SERPINA6: variants seen among roughly 807,000 people sequenced by gnomAD.
The protein encoded by SERPINA6 is corticosteroid-binding globulin.
SERPINA6 carries 19 observed loss-of-function variants against 26.4 expected under a neutral mutation model. The ratio of observed to expected loss-of-function variants is 0.72; its 90% CI spans 0.50 to 1.06. The LOEUF is 1.06. Among genes scored for constraint, SERPINA6 ranks in the 50% least tolerant of loss-of-function variants. SERPINA6 has a pLI of 0.00. For missense variants in SERPINA6, 473 were observed against 504.0 expected (o/e 0.94, Z 0.59); for synonymous variants, 196 against 199.4 (o/e 0.98, Z 0.14).
Position 94,322,802 on chromosome 14 carries a change from A to G in SERPINA6, c.-20+465T>C, listed in dbSNP as rs1895702088. ...CTGAGTGAGGAGCCATGGTGGAGACAGGTCTGCGTGACTCAGAAGAATACC... is the reference window on the plus strand; with the variant it reads ...CTGAGTGAGGAGCCATGGTGGAGACGGGTCTGCGTGACTCAGAAGAATACC... On this transcript the variant is annotated intron_variant, in intron 1 of 4. Transcript: ENST00000341584. Among the ~76,000 whole-genome samples the G allele has an allele frequency of 2.0e-5, 3 of 152,306 alleles. No individual in the cohort carries two copies. The South Asian group carries it at 6.2e-4, about 32-fold the overall frequency.
chr14:94,319,845 G>A (rs1187198827), intron 1 of SERPINA6, among the ~76,000 whole-genome samples: 1 of 152,120 alleles, frequency 6.6e-6, no homozygotes, highest in Non-Finnish European at 1.5e-5. Flanking sequence ...GTTTCAGTCT[G>A]GGATGATGAA....
chr14:94,306,779 A>G (rs936664007), intron 3 of SERPINA6, among the ~76,000 whole-genome samples: 6 of 152,238 alleles, frequency 3.9e-5, no homozygotes, highest in African/African-American at 1.4e-4. Context: ...GGCAGTTTCT[A>G]CCAGATGAAG....
intron 1 of SERPINA6, chr14:94,314,951 G>A (rs908560366): frequency 2.1e-6 from 1 of 487,448 alleles, no homozygotes; most frequent in African/African-American, 1.9e-5. Flanking sequence ...CACTCCTAAA[G>A]CAAGTATTAT....
intron 1 of SERPINA6, among the ~76,000 whole-genome samples, chr14:94,323,038 G>T (rs2139730709): frequency 6.6e-6 from 1 of 152,334 alleles, no homozygotes; most frequent in Non-Finnish European, 1.5e-5. Context: ...TCAGCCCCCT[G>T]CATGGCAGGA....
chr14:94,304,362 G>T lies in SERPINA6; in HGVS notation c.*56C>A. ...ACCTCCCGCTCTCCAAAACATTTCT[G>T]TGGGATCCCTGGTTCCCAAAGTCAG... On this transcript the variant is annotated 3_prime_UTR_variant, in exon 5 of 5. Transcript: ENST00000341584. 1.9e-6 allele frequency: 3 copies of T among 1,551,736 alleles called. No individual in the cohort carries two copies. Among genetic ancestry groups the T allele is most frequent in the South Asian group, 1.1e-5 (1 of 89,778 alleles).
intron 1 of SERPINA6, among the ~76,000 whole-genome samples, chr14:94,319,126 G>A (rs1306727265): frequency 6.6e-6 from 1 of 152,118 alleles, no homozygotes; most frequent in African/African-American, 2.4e-5. Flanking sequence ...TATCCACAGG[G>A]ATGGCTACTA....
chr14:94,309,592 T>C (rs1895496056), intron 3 of SERPINA6, 144 bp downstream of exon 3: 2 of 867,608 alleles, frequency 2.3e-6, no homozygotes, highest in South Asian at 2.8e-5. Context: ...CTTACAGCCT[T>C]TGGGGGCCCA....
intron 4 of SERPINA6, 54 bp downstream of exon 4, chr14:94,306,011 ATTATAT>A: frequency 6.3e-7 from 1 of 1,596,634 alleles, no homozygotes; most frequent in Non-Finnish European, 8.6e-7. Flanking sequence ...ACTTCCTAGT[ATTATAT>A]TTATATTGTG....
intron 1 of SERPINA6, 110 bp from the exon 2 acceptor site, chr14:94,314,777 C>T: frequency 2.0e-6 from 2 of 1,013,358 alleles, no homozygotes; most frequent in Non-Finnish European, 3.0e-6. Flanking sequence ...TTCCTTCCTC[C>T]ACACTGGCTG....
rs1012437050 is a variant in SERPINA6, at chr14:94,304,314, G to T, written c.*104C>A. ...GACACAACTCTGGTTGGAGGGAGAA[G>T]AACTTGGAGGAGATTGGGGGAAACC... On this transcript the variant is annotated 3_prime_UTR_variant, in exon 5 of 5. Transcript: ENST00000341584. 1.8e-6 allele frequency: 2 copies of T among 1,127,838 alleles called. No individual in the cohort carries two copies. Among genetic ancestry groups the T allele is most frequent in the South Asian group, 1.2e-5 (1 of 80,816 alleles). 69.9% of individuals were successfully genotyped at this position (1,127,838 alleles called of 1,614,324 possible). A position where few individuals can be genotyped will look rare whatever the true frequency, so the allele number is the denominator to read the frequency against.
chr14:94,318,222 G>T (rs1347137177), intron 1 of SERPINA6, among the ~76,000 whole-genome samples: 3 of 152,140 alleles, frequency 2.0e-5, no homozygotes, highest in African/African-American at 7.2e-5. Flanking sequence ...TGGATTGGAA[G>T]AAATTGCTAA....
intron 2 of SERPINA6, among the ~76,000 whole-genome samples, chr14:94,312,108 C>T (rs1243460728): frequency 6.6e-6 from 1 of 151,968 alleles, no homozygotes; most frequent in Non-Finnish European, 1.5e-5. Context: ...ACCAAACACT[C>T]ACGGATTCGT....
intron 4 of SERPINA6, among the ~76,000 whole-genome samples, chr14:94,305,120 G>T (rs1414714745): frequency 6.6e-6 from 1 of 152,192 alleles, no homozygotes; most frequent in Non-Finnish European, 1.5e-5. Context: ...TGTATCAAAA[G>T]ACTCTGGTAA....
chr14:94,309,297 G>T (rs1895488880), intron 3 of SERPINA6, among the ~76,000 whole-genome samples: 2 of 117,550 alleles, frequency 1.7e-5, no homozygotes. Context: ...TTTTGCATTG[G>T]CTCCATGATG....
chr14:94,307,254 A>G lies in SERPINA6; in HGVS notation c.885-1036T>C, dbSNP rs560428665. Among the ~76,000 whole-genome samples, 8 of 152,200 alleles carry G rather than the reference A, an allele frequency of 5.3e-5. No homozygotes were observed. In the East Asian group the frequency reaches 1.2e-3, roughly 22 times the overall value. The stretch of plus-strand genomic sequence containing the variant: ...CTCACACATGCATGTGCACACACAC[A>G]CATACGCACCTATGAAGTCGGAATC... On this transcript the variant is annotated intron_variant, in intron 3 of 4. Transcript: ENST00000341584.
At chr14:94,314,936 C>T in intron 1 of SERPINA6, 2 of 535,466 alleles carry the variant, frequency 3.7e-6, no homozygotes, top group Non-Finnish European at 6.7e-6. Context: ...TAACCATTAC[C>T]AAAACACTCC....
intron 1 of SERPINA6, among the ~76,000 whole-genome samples, chr14:94,318,814 C>T (rs1399470560): frequency 6.6e-6 from 1 of 152,082 alleles, no homozygotes; most frequent in East Asian, 1.9e-4. Context: ...ACAAATTGGA[C>T]TTCATCAAAA....
chr14:94,314,132 A>T lies in SERPINA6; in HGVS notation c.517T>A (p.Tyr173Asn), dbSNP rs777877328. 3.7e-6 allele frequency: 6 copies of T among 1,614,190 alleles called. No homozygotes were observed. The highest frequency in any genetic ancestry group is 5.1e-6 in the Non-Finnish European group (6 of 1,180,026). The change falls in exon 2 of 5, where the codon TAT becomes AAT. Residue 173 changes from tyrosine to asparagine, a missense_variant. Transcript: ENST00000341584. The stretch of plus-strand genomic sequence containing the variant: ...TTCCCCTGTGTCTTATTCTTGACAT[A>T]GCTGTTGATCTGTCTGCTGGCTGTT... ...WATASRQINSYVKNKTQGKIV... is the reference protein window; with the variant it reads ...WATASRQINSNVKNKTQGKIV...
intron 1 of SERPINA6, among the ~76,000 whole-genome samples, chr14:94,317,643 G>A (rs1895630274): frequency 6.6e-6 from 1 of 152,164 alleles, no homozygotes; most frequent in African/African-American, 2.4e-5. Context: ...ATGTGACAAG[G>A]ACCCCGTGTT....
Sources: gnomAD v4.1 joint callset for allele counts (sites outside exome capture counted in the v4.1 genomes callset) on GRCh38, gnomAD v4.1.1 for gene constraint, MANE v1.5 for transcripts, NCBI Gene and HGNC (gene_info 2026-07-23, HGNC 2026-07-21) for gene names.